Variants in DEPDC1B observed in about 807,000 individuals in gnomAD.
DEPDC1B encodes DEP domain containing 1B.
DEPDC1B carries 51 observed loss-of-function variants against 66.5 expected under a neutral mutation model. The observed-to-expected ratio is 0.77, with a 90% CI of 0.61 to 0.97. The LOEUF (loss-of-function observed/expected upper bound fraction) is 0.97. Among genes scored for constraint, DEPDC1B ranks in the 50% least tolerant of loss-of-function variants. DEPDC1B has a pLI of 0.00. For synonymous variants in DEPDC1B, 226 were observed against 223.6 expected, an observed-to-expected ratio of 1.01 and a Z score of -0.10; for missense variants, 552 against 637.1, an observed-to-expected ratio of 0.87 and a Z score of 1.44.
Position 60,615,655 on chromosome 5 carries a change from T to G in DEPDC1B, c.899-9799A>C, listed in dbSNP as rs544059766. On this transcript the variant is annotated intron_variant, in intron 7 of 10. Coordinates refer to ENST00000265036, the MANE Select transcript of DEPDC1B (RefSeq NM_018369.3). Reference sequence around the variant, plus strand: ...GGTAAAGCAGCCGGGAAGCTTGAACTGGGTGGAGCCCACTGCAGCTCAAGG... The same window carrying G: ...GGTAAAGCAGCCGGGAAGCTTGAACGGGGTGGAGCCCACTGCAGCTCAAGG... Among the ~76,000 whole-genome samples, 15 of 152,320 alleles carry G rather than the reference T, an allele frequency of 9.8e-5. No individual in the cohort carries two copies. The South Asian group carries it at 3.1e-3, about 32-fold the overall frequency.
intron 4 of DEPDC1B, 33 bp downstream of exon 4, chr5:60,645,459 C>A: frequency 1.3e-6 from 2 of 1,546,294 alleles, no homozygotes; most frequent in Non-Finnish European, 1.7e-6. Flanking sequence ...AACAATATCT[C>A]TAAAATTTCT....
At chr5:60,630,005 G>A (rs1412363491) in intron 7 of DEPDC1B, among the ~76,000 whole-genome samples, 1 of 152,106 alleles carries the variant, frequency 6.6e-6, no homozygotes, top group Non-Finnish European at 1.5e-5. Context: ...TTTGCAACCT[G>A]TGAACATAAA....
At chr5:60,624,866 G>A (rs1013695654) in intron 7 of DEPDC1B, among the ~76,000 whole-genome samples, 28 of 151,988 alleles carry the variant, frequency 1.8e-4, no homozygotes, top group African/African-American at 6.8e-4. Context: ...ACTACATTAG[G>A]TATTTCTCCT....
intron 2 of DEPDC1B, among the ~76,000 whole-genome samples, chr5:60,648,491 C>T (rs1561374659): frequency 6.6e-6 from 1 of 152,158 alleles, no homozygotes; most frequent in Non-Finnish European, 1.5e-5. Context: ...AACAAACTTG[C>T]TTGTTTTTCT....
At chr5:60,677,338 T>A (rs535402515) in intron 2 of DEPDC1B, among the ~76,000 whole-genome samples, 14,186 of 143,642 alleles carry the variant, frequency 0.099, 704 homozygotes, top group Middle Eastern at 0.12. Context: ...TCTCTCTCTC[T>A]CTCTCTCTCT....
intron 1 of DEPDC1B, among the ~76,000 whole-genome samples, 153 bp downstream of exon 1, chr5:60,699,893 A>G (rs908089651): frequency 6.6e-6 from 1 of 152,158 alleles, no homozygotes; most frequent in Non-Finnish European, 1.5e-5. Context: ...AGGCTCGTCC[A>G]CTAAAAGGCA....
At chr5:60,624,803 T>C (rs1752776387) in intron 7 of DEPDC1B, among the ~76,000 whole-genome samples, 2 of 152,250 alleles carry the variant, frequency 1.3e-5, no homozygotes, top group South Asian at 2.1e-4. Flanking sequence ...ACATGTGCCA[T>C]GGTGGTTTGT....
intron 2 of DEPDC1B, among the ~76,000 whole-genome samples, chr5:60,663,128 C>T (rs531656807): frequency 2.0e-5 from 3 of 152,264 alleles, no homozygotes; most frequent in East Asian, 3.9e-4. Context: ...AAAAGAAACA[C>T]GTTTTTTTGT....
Position 60,597,235 on chromosome 5 carries a change from T to G in DEPDC1B, c.*518A>C, listed in dbSNP as rs1216048896. ...AATAAAAGACATAGCTATCACAATA[T>G]AAGACATTAAAAAATTTATGTGCAG... is the stretch of plus-strand genomic sequence containing the variant. On this transcript the variant is annotated 3_prime_UTR_variant, in exon 11 of 11. Transcript: ENST00000265036. 2 of 153,064 alleles carry G rather than the reference T, an allele frequency of 1.3e-5. No homozygotes were observed. Among genetic ancestry groups the G allele is most frequent in the Non-Finnish European group, 1.5e-5 (1 of 68,434 alleles). 9.5% of individuals were successfully genotyped at this position (153,064 alleles called of 1,614,324 possible).
intron 7 of DEPDC1B, among the ~76,000 whole-genome samples, chr5:60,623,547 T>C (rs567547963): frequency 7.2e-5 from 11 of 152,192 alleles, no homozygotes; most frequent in African/African-American, 1.9e-4. Context: ...GCTTGAAAAC[T>C]CTACAAAAAA....
intron 7 of DEPDC1B, among the ~76,000 whole-genome samples, chr5:60,632,345 C>G (rs1752944926): frequency 6.6e-6 from 1 of 152,328 alleles, no homozygotes; most frequent in South Asian, 2.1e-4. Flanking sequence ...TTGATGCCAC[C>G]ACCACAGGCA....
chr5:60,604,554 T>A (rs1752272674), intron 8 of DEPDC1B, among the ~76,000 whole-genome samples: 1 of 152,100 alleles, frequency 6.6e-6, no homozygotes, highest in African/African-American at 2.4e-5. Context: ...TTCTTTGGAC[T>A]GGCTTTTGTT....
intron 2 of DEPDC1B, 76 bp from the exon 3 acceptor site, chr5:60,647,609 G>A: frequency 1.3e-6 from 2 of 1,486,480 alleles, no homozygotes; most frequent in South Asian, 1.3e-5. Context: ...TCTCCACTTT[G>A]GTGTATCTGA....
chr5:60,659,036 G>A (rs144882255), intron 2 of DEPDC1B, among the ~76,000 whole-genome samples: 119 of 152,256 alleles, frequency 7.8e-4, no homozygotes, highest in African/African-American at 2.6e-3. Context: ...CCCAGGGTTC[G>A]TCCTAATTGA....
intron 2 of DEPDC1B, among the ~76,000 whole-genome samples, chr5:60,676,042 C>T (rs1167121263): frequency 6.6e-6 from 1 of 151,900 alleles, no homozygotes; most frequent in Admixed American, 6.6e-5. Flanking sequence ...ATTCTCCTGC[C>T]TCAGCCTCCC....
intron 7 of DEPDC1B, among the ~76,000 whole-genome samples, chr5:60,634,469 G>A (rs10939856): frequency 0.34 from 52,084 of 151,710 alleles, 10,535 homozygotes; most frequent in East Asian, 0.57. Context: ...TTAGGAGATC[G>A]AGACCATCCT....
intron 2 of DEPDC1B, among the ~76,000 whole-genome samples, chr5:60,656,308 C>A (rs564081608): frequency 1.7e-4 from 26 of 152,042 alleles, no homozygotes; most frequent in South Asian, 4.2e-4. Context: ...CTACAGGCAC[C>A]CACCACTGCA....
intron 10 of DEPDC1B, among the ~76,000 whole-genome samples, chr5:60,598,232 A>T (rs1186955597): frequency 2.0e-5 from 3 of 152,150 alleles, no homozygotes; most frequent in African/African-American, 7.2e-5. Flanking sequence ...TTTTGGCCCA[A>T]TTACATTTCA....
intron 7 of DEPDC1B, among the ~76,000 whole-genome samples, chr5:60,630,189 T>TA (rs1415894068): frequency 6.6e-6 from 1 of 152,260 alleles, no homozygotes; most frequent in Non-Finnish European, 1.5e-5. Context: ...AAATGGTTTA[T>TA]TAGACAGACT....
Sources: gnomAD v4.1 joint callset for allele counts (sites outside exome capture counted in the v4.1 genomes callset) on GRCh38, gnomAD v4.1.1 for gene constraint, MANE v1.5 for transcripts, NCBI Gene and HGNC (gene_info 2026-07-23, HGNC 2026-07-21) for gene names.